PRKCE: variants seen among roughly 807,000 people sequenced by gnomAD.
PRKCE encodes the protein protein kinase C epsilon.
PRKCE carries 16 observed loss-of-function variants against 85.4 expected under a neutral mutation model. The observed-to-expected ratio is 0.19, with a 90% CI of 0.13 to 0.28. The LOEUF is 0.28. Among genes scored for constraint, PRKCE ranks in the 10% least tolerant of loss-of-function variants. The pLI is 1.00. For synonymous variants in PRKCE, 388 were observed against 371.5 expected (o/e 1.04, Z -0.51); for missense variants, 573 against 975.2 (o/e 0.59, Z 5.49).
chr2:45,918,162 A>G (rs1697975182), intron 2 of PRKCE, among the ~76,000 whole-genome samples: 2 of 152,212 alleles, frequency 1.3e-5, no homozygotes, highest in African/African-American at 4.8e-5. Context: ...AAATGCCGCC[A>G]GAGTGGGAGC....
intron 1 of PRKCE, among the ~76,000 whole-genome samples, chr2:45,765,874 C>T (rs2104867002): frequency 6.6e-6 from 1 of 152,286 alleles, no homozygotes; most frequent in South Asian, 2.1e-4. Context: ...TCCCTCCTCC[C>T]ACTTCCAATC....
At position 45,774,520 on chromosome 2, in the gene PRKCE, C is replaced by G. The variant is rs1223232702; in HGVS notation, c.349-68480C>G. On this transcript the variant is annotated intron_variant, in intron 1 of 14. Coordinates refer to ENST00000306156, the MANE Select transcript of PRKCE (RefSeq NM_005400.3). This position sits in a 1 kb window ranked among gnomAD's most constrained non-coding sequence, Gnocchi z 4.3. ...CTCCCTGTCTCTCCTGTCTCCTTTC[C>G]ATCATGCCAAAGCACCCCATGCCTT... Among the ~76,000 whole-genome samples the G allele has an allele frequency of 6.6e-6, 1 of 152,150 alleles. No homozygotes were observed. Among genetic ancestry groups the G allele is most frequent in the Admixed American group, 6.5e-5 (1 of 15,282 alleles).
At chr2:46,052,318 A>C (rs1574338534) in intron 10 of PRKCE, among the ~76,000 whole-genome samples, 1 of 152,256 alleles carries the variant, frequency 6.6e-6, no homozygotes, top group Non-Finnish European at 1.5e-5. Context: ...GACAAGATCA[A>C]TATACAAAAT....
intron 10 of PRKCE, among the ~76,000 whole-genome samples, chr2:46,059,296 C>T (rs1666894577): frequency 1.3e-5 from 2 of 152,112 alleles, no homozygotes. Context: ...CCTTGACCCT[C>T]CAAAAATCAC....
At chr2:46,011,572 C>T (rs907842611) in intron 10 of PRKCE, among the ~76,000 whole-genome samples, 7 of 152,138 alleles carry the variant, frequency 4.6e-5, no homozygotes, top group African/African-American at 1.7e-4. Flanking sequence ...TTTCTCAGAA[C>T]CCCAATCACT....
At chr2:46,098,329 A>C (rs55754249) in intron 11 of PRKCE, among the ~76,000 whole-genome samples, 12,418 of 140,306 alleles carry the variant, frequency 0.089, 1,710 homozygotes, top group African/African-American at 0.33. Context: ...CTCCCCCCCC[A>C]ACCCACACAG....
At position 46,001,679 on chromosome 2, in the gene PRKCE, T is replaced by A; in HGVS notation, c.966+133T>A. 1 of 1,057,054 alleles carries A rather than the reference T, an allele frequency of 9.5e-7. No individual in the cohort carries two copies. The highest frequency in any genetic ancestry group is 3.4e-4 in the Middle Eastern group (1 of 2,962). The allele number at this position is 1,057,054 out of a possible 1,614,324, so 65.5% of individuals were successfully genotyped here. ...GTATTTTACTCAGAACTGCAGTACT[T>A]AAAGAAAAAAACAAAGATAGAAGCC... is the stretch of plus-strand genomic sequence containing the variant. On this transcript the variant is annotated intron_variant, in intron 7 of 14. Coordinates refer to ENST00000306156, the MANE Select transcript of PRKCE (RefSeq NM_005400.3). This position sits in a 1 kb window ranked among gnomAD's most constrained non-coding sequence, Gnocchi z 4.4.
chr2:46,169,638 T>C (rs527354380), intron 14 of PRKCE, among the ~76,000 whole-genome samples: 3 of 152,278 alleles, frequency 2.0e-5, no homozygotes, highest in African/African-American at 7.2e-5. Flanking sequence ...TCAACTGAGA[T>C]GACTTCGAAA....
chr2:46,006,815 T>C (rs1338712139), intron 8 of PRKCE, among the ~76,000 whole-genome samples: 1 of 152,220 alleles, frequency 6.6e-6, no homozygotes, highest in South Asian at 2.1e-4. Context: ...TCCCGCCCCA[T>C]TGGAGATAAG....
rs77254419 is a variant in PRKCE, at chr2:45,958,525, G to A, written c.413-17904G>A. Among the ~76,000 whole-genome samples the A allele has an allele frequency of 4.6e-4, 63 of 137,974 alleles. 2 individuals carry two copies. Among genetic ancestry groups the A allele is most frequent in the East Asian group, 4.4e-3 (13 of 2,966 alleles). The allele number at this position is 137,974 out of a possible 152,430, so 90.5% of individuals were successfully genotyped here. A position where few individuals can be genotyped will look rare whatever the true frequency, so the allele number is the denominator to read the frequency against. On this transcript the variant is annotated intron_variant, in intron 2 of 14. Coordinates refer to ENST00000306156, the MANE Select transcript of PRKCE (RefSeq NM_005400.3). Reference sequence around the variant, plus strand: ...CTCTGTCTCAAAAAAAAAAAAAAAAGAAAGAAAATCAAAACTCATAGAAAC... The same window carrying A: ...CTCTGTCTCAAAAAAAAAAAAAAAAAAAAGAAAATCAAAACTCATAGAAAC...
chr2:45,823,816 G>A (rs1381928125), intron 1 of PRKCE, among the ~76,000 whole-genome samples: 1 of 152,244 alleles, frequency 6.6e-6, no homozygotes, highest in Non-Finnish European at 1.5e-5. Context: ...AGCCACAGAG[G>A]CATCTGAGAG....
At position 45,786,427 on chromosome 2, in the gene PRKCE, G is replaced by A. The variant is rs983807389; in HGVS notation, c.349-56573G>A. ...GTTTGTATTCCCTACCGCAACTTCC[G>A]TTTCTGTACCCACCCACTCCCTCTC... On this transcript the variant is annotated intron_variant, in intron 1 of 14. Transcript: ENST00000306156. This position sits in a 1 kb window ranked among gnomAD's most constrained non-coding sequence, Gnocchi z 5.3. Among the ~76,000 whole-genome samples, 22 of 152,286 alleles carry A rather than the reference G, an allele frequency of 1.4e-4. No individual in the cohort carries two copies. Among genetic ancestry groups the A allele is most frequent in the African/African-American group, 4.6e-4 (19 of 41,550 alleles).
chr2:45,944,587 C>T (rs931552421), intron 2 of PRKCE, among the ~76,000 whole-genome samples: 2 of 150,500 alleles, frequency 1.3e-5, no homozygotes, highest in African/African-American at 2.4e-5. Context: ...CTCCCAGGCT[C>T]GAATGATACT....
rs940625880 is a variant in PRKCE at position 45,907,177 on chromosome 2, A to C, written c.412+64114A>C. Among the ~76,000 whole-genome samples the C allele has an allele frequency of 3.3e-5, 5 of 152,332 alleles. No individual in the cohort carries two copies. In the East Asian group the frequency reaches 9.7e-4, roughly 29 times the overall value. On this transcript the variant is annotated intron_variant, in intron 2 of 14. Coordinates refer to ENST00000306156, the MANE Select transcript of PRKCE (RefSeq NM_005400.3). The surrounding 1 kb of genome is among the most constrained non-coding windows in gnomAD (Gnocchi z 4.5). ...GCTGACATGATCAGGCCAGTGATGG[A>C]AAGAAAGCCCGAGAGAAGAGAAAAA...
At chr2:45,701,396 T>A (rs970990046) in intron 1 of PRKCE, 2 of 152,110 alleles carry the variant, frequency 1.3e-5, no homozygotes, top group Admixed American at 6.5e-5. Context: ...CCCTAGAGAA[T>A]CCTTTACTTA....
At chr2:45,655,456 T>C (rs559389778) in intron 1 of PRKCE, among the ~76,000 whole-genome samples, 1 of 152,206 alleles carries the variant, frequency 6.6e-6, no homozygotes, top group East Asian at 1.9e-4. Flanking sequence ...GCCTAAAAGT[T>C]GGACACCCTG....
chr2:45,714,121 C>G (rs10168117), intron 1 of PRKCE, among the ~76,000 whole-genome samples: 23,025 of 152,218 alleles, frequency 0.15, 1,944 homozygotes, highest in African/African-American at 0.23. Context: ...GCCCCAAACA[C>G]TGTGCTAAGT....
chr2:45,695,630 G>A (rs576488426), intron 1 of PRKCE, among the ~76,000 whole-genome samples: 6 of 152,306 alleles, frequency 3.9e-5, no homozygotes, highest in South Asian at 4.1e-4. Flanking sequence ...AAAATTAGCC[G>A]GGTGTGATGG....
intron 1 of PRKCE, among the ~76,000 whole-genome samples, chr2:45,789,201 A>G (rs1420463587): frequency 6.6e-6 from 1 of 152,104 alleles, no homozygotes; most frequent in Non-Finnish European, 1.5e-5. Context: ...GGAGTTCAAG[A>G]CCAGCCTGGA....
Sources: allele counts gnomAD v4.1 joint callset (sites outside exome capture counted in the v4.1 genomes callset), GRCh38; gene constraint gnomAD v4.1.1; non-coding constraint Gnocchi (gnomAD v3.1); transcripts MANE v1.5; gene names NCBI Gene and HGNC (gene_info 2026-07-23, HGNC 2026-07-21).